The following CHN2 variants were observed in gnomAD, a reference collection of about 807,000 sequenced individuals.
CHN2 encodes chimerin 2, also known as beta-chimaerin.
Under a neutral mutation model 56.3 loss-of-function variants are expected in CHN2, and 35 were observed. The ratio of observed to expected loss-of-function variants is 0.62; its 90% CI spans 0.47 to 0.82. The LOEUF is 0.82. Among genes scored for constraint, CHN2 ranks in the 40% least tolerant of loss-of-function variants. The pLI is 0.00. For synonymous variants in CHN2, 210 were observed against 212.8 expected (o/e 0.99, Z 0.12); for missense variants, 491 against 580.5 (o/e 0.85, Z 1.58).
At chr7:29,425,937 G>A (rs1056216006) in intron 6 of CHN2, among the ~76,000 whole-genome samples, 1 of 152,074 alleles carries the variant, frequency 6.6e-6, no homozygotes, top group African/African-American at 2.4e-5. Flanking sequence ...TGGGCCGGGT[G>A]TGGTAGCTTA....
rs143182230 is a variant in CHN2, at chr7:29,381,052, CATAAG to C, written c.145-12624_145-12620del. On this transcript the variant is annotated intron_variant, in intron 3 of 12. Coordinates refer to ENST00000222792, the MANE Select transcript of CHN2 (RefSeq NM_004067.4). ...GATGCATAATTGGAAGCTGGAGGAACATAAGATTAGATGTGAAGATAACATTTATC... is the reference window on the plus strand; with the variant it reads ...GATGCATAATTGGAAGCTGGAGGAACATTAGATGTGAAGATAACATTTATC... Among the ~76,000 whole-genome samples the C allele has an allele frequency of 1.9e-3, 283 of 152,264 alleles. 7 individuals carry two copies. In the East Asian group the frequency reaches 0.05, roughly 27 times the overall value.
At chr7:29,214,600 A>T (rs1346237818) in intron 1 of CHN2, among the ~76,000 whole-genome samples, 1 of 152,076 alleles carries the variant, frequency 6.6e-6, no homozygotes, top group Non-Finnish European at 1.5e-5. Flanking sequence ...CCAACAGTTT[A>T]TTGGCCAGAA....
At chr7:29,149,561 T>C (rs1793301056) in intron 2 of CHN2, among the ~76,000 whole-genome samples, 2 of 152,116 alleles carry the variant, frequency 1.3e-5, no homozygotes, top group African/African-American at 2.4e-5. Flanking sequence ...AATAGAACCA[T>C]AGGACAGGAG....
Position 29,157,942 on chromosome 7 carries a change from C to T in CHN2, c.274+10982C>T, listed in dbSNP as rs80008984. Among the ~76,000 whole-genome samples, 4 of 152,246 alleles carry T rather than the reference C, an allele frequency of 2.6e-5. No individual in the cohort carries two copies. In the East Asian group the frequency reaches 7.7e-4, roughly 29 times the overall value. The stretch of plus-strand genomic sequence containing the variant: ...TCTTCCTTATGAAAATACTGTTTCT[C>T]ATTTGTGATTCCACTCCTAAAGAGA... On this transcript the variant is annotated intron_variant, in intron 2 of 6. Transcript: ENST00000439384.
intron 2 of CHN2, among the ~76,000 whole-genome samples, chr7:29,365,288 A>C (rs549979548): frequency 6.6e-6 from 1 of 152,326 alleles, no homozygotes; most frequent in East Asian, 1.9e-4. Flanking sequence ...ATTTATATTT[A>C]TATCCATAGC....
At chr7:29,181,733 A>G (rs939257337) in intron 2 of CHN2, among the ~76,000 whole-genome samples, 1 of 152,250 alleles carries the variant, frequency 6.6e-6, no homozygotes, top group Non-Finnish European at 1.5e-5. Flanking sequence ...GTAGACACTA[A>G]TGATCTTAAC....
At chr7:29,270,676 A>C (rs1309418665) in intron 1 of CHN2, among the ~76,000 whole-genome samples, 1 of 33,454 alleles carries the variant, frequency 3.0e-5, no homozygotes, top group Non-Finnish European at 5.0e-5. Context: ...AAAAATAATA[A>C]TAAAATAAAA....
At chr7:29,356,717 G>T (rs2128928033) in intron 2 of CHN2, among the ~76,000 whole-genome samples, 1 of 152,318 alleles carries the variant, frequency 6.6e-6, no homozygotes, top group South Asian at 2.1e-4. Context: ...AAGGGGCTGT[G>T]CTGGGTCTCT....
chr7:29,480,312 CACA>C lies in CHN2; in HGVS notation c.613_615del (p.Asn205del). ...CCTGGTTCGAAGGGCTGCCCTCACACACAACGACAACCACTTCAATTATGAGAA... is the reference window on the plus strand; with the variant it reads ...CCTGGTTCGAAGGGCTGCCCTCACACACGACAACCACTTCAATTATGAGAA... On this transcript the variant is annotated inframe_deletion, in exon 7 of 13. Coordinates refer to ENST00000222792, the MANE Select transcript of CHN2 (RefSeq NM_004067.4). The C allele has an allele frequency of 3.7e-6, 6 of 1,614,198 alleles. No homozygotes were observed. Among genetic ancestry groups the C allele is most frequent in the Non-Finnish European group, 5.1e-6 (6 of 1,180,034 alleles).
At chr7:29,313,418 G>C (rs905408969) in intron 1 of CHN2, among the ~76,000 whole-genome samples, 15 of 152,190 alleles carry the variant, frequency 9.9e-5, no homozygotes, top group Non-Finnish European at 2.1e-4. Context: ...TCACAGAGCA[G>C]GTGAGGCAGA....
intron 1 of CHN2, among the ~76,000 whole-genome samples, chr7:29,201,919 A>T (rs549083900): frequency 6.6e-6 from 1 of 152,116 alleles, no homozygotes; most frequent in Admixed American, 6.5e-5. Flanking sequence ...TTTCTTTATG[A>T]CCCCGAGGGA....
intron 7 of CHN2, among the ~76,000 whole-genome samples, chr7:29,485,465 A>C (rs1309945475): frequency 6.6e-6 from 1 of 152,186 alleles, no homozygotes; most frequent in Non-Finnish European, 1.5e-5. Flanking sequence ...GTGAGCATTC[A>C]AAGAGGAGGG....
In CHN2 at chr7:29,400,783, A is replaced by G; in HGVS notation, c.531A>G (p.Pro177=). Residue 177 remains proline, a synonymous_variant, in exon 6 of 13, where the codon CCA becomes CCG. Transcript: ENST00000222792. Reference sequence around the variant, plus strand: ...GGCTGAGCAGGTCTAAAAATGAACCAAGAAAAACAAACGTCACACATGAAG... The same window carrying G: ...GGCTGAGCAGGTCTAAAAATGAACCGAGAAAAACAAACGTCACACATGAAG... ...SRRLSRSKNE[P]RKTNVTHEEH... 1 of 1,614,098 alleles carries G rather than the reference A, an allele frequency of 6.2e-7. No individual in the cohort carries two copies. The highest frequency in any genetic ancestry group is 2.2e-5 in the East Asian group (1 of 44,882).
intron 1 of CHN2, among the ~76,000 whole-genome samples, chr7:29,282,427 C>A (rs570801600): frequency 6.6e-6 from 1 of 152,264 alleles, no homozygotes; most frequent in South Asian, 2.1e-4. Flanking sequence ...TTCCTTTTTC[C>A]TTTTGCTAGT....
chr7:29,429,144 A>T (rs1235648084), intron 6 of CHN2, among the ~76,000 whole-genome samples: 1 of 152,230 alleles, frequency 6.6e-6, no homozygotes, highest in South Asian at 2.1e-4. Flanking sequence ...CCCTATGCAT[A>T]TCACAAGTAT....
chr7:29,421,088 C>T (rs539128978), intron 6 of CHN2, among the ~76,000 whole-genome samples: 66 of 152,174 alleles, frequency 4.3e-4, no homozygotes, highest in Non-Finnish European at 7.9e-4. Context: ...CCACCATGTC[C>T]GGCTATATGG....
At chr7:29,297,249 G>A (rs1793237581) in intron 1 of CHN2, among the ~76,000 whole-genome samples, 2 of 152,198 alleles carry the variant, frequency 1.3e-5, no homozygotes, top group African/African-American at 4.8e-5. Context: ...CCCCTGCAAA[G>A]GGCACTAAAT....
chr7:29,448,548 C>T (rs1051186240), intron 6 of CHN2, among the ~76,000 whole-genome samples: 20 of 152,188 alleles, frequency 1.3e-4, no homozygotes, highest in African/African-American at 4.8e-4. Flanking sequence ...TCTCCTAATA[C>T]ATCCTGTAAG....
rs550157883 is a variant in CHN2, at chr7:29,419,925, T to C, written c.576+19097T>C. 9.9e-5 allele frequency among the ~76,000 whole-genome samples: 15 copies of C among 152,214 alleles called. No individual in the cohort carries two copies. The South Asian group carries it at 3.1e-3, about 32-fold the overall frequency. On this transcript the variant is annotated intron_variant, in intron 6 of 12. Transcript: ENST00000222792. ...AAATACAAAAATTAGCCAGGCATGG[T>C]GGCACGCACCTGTAATCCCAGCTAC...
Sources: allele counts gnomAD v4.1 joint callset (sites outside exome capture counted in the v4.1 genomes callset), GRCh38; gene constraint gnomAD v4.1.1; transcripts MANE v1.5; gene names NCBI Gene and HGNC (gene_info 2026-07-23, HGNC 2026-07-21).